The following ARHGAP39 variants were observed in gnomAD, a reference collection of about 807,000 sequenced individuals.
ARHGAP39 encodes the protein Rho GTPase activating protein 39, also known as rho GTPase-activating protein 39.
Under a neutral mutation model 106.9 loss-of-function variants are expected in ARHGAP39, and 44 were observed. The observed-to-expected ratio is 0.41, with a 90% CI of 0.32 to 0.53. The LOEUF (loss-of-function observed/expected upper bound fraction) is 0.53, where lower values mean the gene tolerates loss of function less well. Among genes scored for constraint, ARHGAP39 ranks in the 20% least tolerant of loss-of-function variants. The pLI, the probability that ARHGAP39 is intolerant of heterozygous loss-of-function variation, is 0.21. For synonymous variants in ARHGAP39, 768 were observed against 693.2 expected (o/e 1.11, Z -1.69); for missense variants, 1,496 against 1,577.3 (o/e 0.95, Z 0.87).
chr8:144,673,350 TCTGAAAAATC>T (rs1156757334), intron 1 of ARHGAP39, among the ~76,000 whole-genome samples: 1 of 152,194 alleles, frequency 6.6e-6, no homozygotes, highest in Non-Finnish European at 1.5e-5. Flanking sequence ...AATGTTCTCT[TCTGAAAAATC>T]CTAGTCACTC....
At chr8:144,660,077 T>G (rs191084252) in intron 1 of ARHGAP39, among the ~76,000 whole-genome samples, 132 of 152,306 alleles carry the variant, frequency 8.7e-4, no homozygotes, top group African/African-American at 2.8e-3. Flanking sequence ...ACTTGCATTG[T>G]GCATCTCTTT....
At chr8:144,699,806 G>A in the ARHGAP39 span, among the ~76,000 whole-genome samples, 1 of 152,082 alleles carries the variant, frequency 6.6e-6, no homozygotes, top group African/African-American at 2.4e-5. Context: ...TGTCTCCACT[G>A]GAGCCCCCAG....
intron 1 of ARHGAP39, among the ~76,000 whole-genome samples, chr8:144,627,537 AGAGT>A: frequency 7.5e-6 from 1 of 132,556 alleles, no homozygotes; most frequent in Admixed American, 8.6e-5. Flanking sequence ...CCTGGGAGAC[AGAGT>A]GAGACTCCAT....
chr8:144,642,443 T>C (rs899411487), intron 1 of ARHGAP39, among the ~76,000 whole-genome samples: 3 of 151,524 alleles, frequency 2.0e-5, no homozygotes, highest in African/African-American at 7.3e-5. Flanking sequence ...GCTGACATCA[T>C]GCTACCACAC....
rs1272112098 is a variant in ARHGAP39, at chr8:144,547,204, G to A, written c.1882C>T (p.Pro628Ser). Residue 628 changes from proline to serine, a missense_variant, in exon 5 of 12, where the codon CCC becomes TCC. Physicochemically the swap from Pro to Ser is moderately conservative, Grantham distance 74 (BLOSUM62 -1). Transcript: ENST00000377307. This position sits in a 1 kb window ranked among gnomAD's most constrained non-coding sequence, Gnocchi z 5.2. ...ACGCTCTTCTCCAGCAGGATCTGGGGGAAGCCTAGCTTCTCGAAGGTGCCC... is the reference window on the plus strand; with the variant it reads ...ACGCTCTTCTCCAGCAGGATCTGGGAGAAGCCTAGCTTCTCGAAGGTGCCC... Reference protein sequence around the residue: ...RRGTFEKLGFPQILLEKSVSV... With the variant: ...RRGTFEKLGFSQILLEKSVSV... 6.2e-7 allele frequency: 1 copy of A among 1,612,444 alleles called. No homozygotes were observed. The highest frequency in any genetic ancestry group is 8.5e-7 in the Non-Finnish European group (1 of 1,179,740).
At position 144,529,690 on chromosome 8, in the gene ARHGAP39, C is replaced by T. The variant is rs899297850; in HGVS notation, c.*732G>A. The T allele has an allele frequency of 2.0e-5, 3 of 152,200 alleles. No homozygotes were observed. Among genetic ancestry groups the T allele is most frequent in the Admixed American group, 2.0e-4 (3 of 15,280 alleles). 9.4% of individuals were successfully genotyped at this position (152,200 alleles called of 1,614,324 possible). A position where few individuals can be genotyped will look rare whatever the true frequency, so the allele number is the denominator to read the frequency against. On this transcript the variant is annotated 3_prime_UTR_variant, in exon 12 of 12. Coordinates refer to ENST00000377307, the MANE Select transcript of ARHGAP39 (RefSeq NM_025251.3). The stretch of plus-strand genomic sequence containing the variant: ...GCAAATTTAGTTCTTATATCTTTCC[C>T]TCTATTTATATCTCTATACACGGTG...
chr8:144,621,302 C>T (rs1820801561), intron 1 of ARHGAP39, among the ~76,000 whole-genome samples: 1 of 152,276 alleles, frequency 6.6e-6, no homozygotes, highest in Non-Finnish European at 1.5e-5. Flanking sequence ...ACAGAAACCG[C>T]CCACTTCCCA....
intron 3 of ARHGAP39, among the ~76,000 whole-genome samples, chr8:144,575,134 T>C (rs1366114730): frequency 6.6e-6 from 1 of 152,110 alleles, no homozygotes; most frequent in Non-Finnish European, 1.5e-5. Context: ...AGATAAAAAA[T>C]GGCACACCTG....
chr8:144,537,616 T>TC (rs916314874), intron 7 of ARHGAP39, 105 bp downstream of exon 7: 26 of 570,044 alleles, frequency 4.6e-5, no homozygotes, highest in East Asian at 7.6e-5. Flanking sequence ...AGTGGCCCCA[T>TC]CCCCCCCGCC....
intron 4 of ARHGAP39, 101 bp downstream of exon 4, chr8:144,555,459 G>A: frequency 1.9e-6 from 2 of 1,040,420 alleles, no homozygotes; most frequent in Non-Finnish European, 3.0e-6. Flanking sequence ...GGTCTGTGGT[G>A]TTGCTGCTAC....
chr8:144,601,785 G>A lies in ARHGAP39; in HGVS notation c.80+3750C>T, dbSNP rs578105521. On this transcript the variant is annotated intron_variant, in intron 2 of 11. Transcript: ENST00000377307. ...CCTGTGTGTGTGCGTGGAGGCATGC[G>A]TGTGTGCTAATGTACCTGTGTGTGT... 5.8e-4 allele frequency among the ~76,000 whole-genome samples: 81 copies of A among 139,212 alleles called. 1 individual carries two copies. The highest frequency in any genetic ancestry group is 1.3e-4 in the Non-Finnish European group (9 of 66,968). 91.3% of individuals were successfully genotyped at this position (139,212 alleles called of 152,430 possible). A position where few individuals can be genotyped will look rare whatever the true frequency, so the allele number is the denominator to read the frequency against.
At chr8:144,580,566 T>TCC (rs1206261227) in intron 3 of ARHGAP39, among the ~76,000 whole-genome samples, 1 of 151,106 alleles carries the variant, frequency 6.6e-6, no homozygotes, top group Non-Finnish European at 1.5e-5. Context: ...GTCCCCTGGG[T>TCC]CCCCGCCCAC....
At chr8:144,600,178 C>A (rs547421574) in intron 2 of ARHGAP39, among the ~76,000 whole-genome samples, 1 of 139,056 alleles carries the variant, frequency 7.2e-6, no homozygotes, top group African/African-American at 2.7e-5. Context: ...GGCGTGTGTG[C>A]GCACTTGTGT....
chr8:144,689,362 G>A (rs898175197), upstream of ARHGAP39, among the ~76,000 whole-genome samples: 2 of 149,938 alleles, frequency 1.3e-5, no homozygotes, highest in African/African-American at 4.9e-5. Flanking sequence ...CCAGTCTTCT[G>A]GTTTTCTTTT....
At chr8:144,661,414 CTG>C (rs768820439) in intron 1 of ARHGAP39, among the ~76,000 whole-genome samples, 19 of 152,212 alleles carry the variant, frequency 1.2e-4, no homozygotes, top group Non-Finnish European at 2.5e-4. Flanking sequence ...ACCCTCACTC[CTG>C]TGATAGTCTC....
intron 3 of ARHGAP39, among the ~76,000 whole-genome samples, chr8:144,574,781 G>A (rs777408527): frequency 6.6e-6 from 1 of 152,240 alleles, no homozygotes; most frequent in Non-Finnish European, 1.5e-5. Flanking sequence ...GCTTGAGCCT[G>A]GGAGTTGAAG....
At chr8:144,662,570 C>G (rs1014895022) in intron 1 of ARHGAP39, among the ~76,000 whole-genome samples, 1 of 150,692 alleles carries the variant, frequency 6.6e-6, no homozygotes, top group Non-Finnish European at 1.5e-5. Flanking sequence ...ACCGCTCCCC[C>G]TCCCACTTAT....
intron 1 of ARHGAP39, among the ~76,000 whole-genome samples, chr8:144,667,246 C>A (rs1158478701): frequency 1.3e-5 from 2 of 152,312 alleles, no homozygotes; most frequent in East Asian, 1.9e-4. Flanking sequence ...AGGCTGCCCT[C>A]CAGCACTGCA....
At chr8:144,542,372 G>A (rs1817228917) in intron 6 of ARHGAP39, among the ~76,000 whole-genome samples, 3 of 152,070 alleles carry the variant, frequency 2.0e-5, no homozygotes, top group African/African-American at 7.3e-5. Flanking sequence ...TGCAGGTCAC[G>A]CAGGTGCTGG....
Sources: gnomAD v4.1 joint callset for allele counts (sites outside exome capture counted in the v4.1 genomes callset) on GRCh38, gnomAD v4.1.1 for gene constraint, Gnocchi (gnomAD v3.1) non-coding constraint, MANE v1.5 for transcripts, NCBI Gene and HGNC (gene_info 2026-07-23, HGNC 2026-07-21) for gene names.